The following CDH12 variants were observed in gnomAD, a reference collection of about 807,000 sequenced individuals.
CDH12 encodes cadherin 12.
A neutral mutation model predicts 74.1 loss-of-function variants in CDH12; 41 were observed. The ratio of observed to expected loss-of-function variants is 0.55; its 90% confidence interval spans 0.43 to 0.72. The LOEUF (loss-of-function observed/expected upper bound fraction) is 0.72. Among genes scored for constraint, CDH12 ranks in the 30% least tolerant of loss-of-function variants. The probability of loss-of-function intolerance (pLI) is 0.00; values close to 1 mark genes in which losing one functional copy is unlikely to be tolerated. For missense variants in CDH12, 945 were observed against 977.2 expected, an observed-to-expected ratio of 0.97 and a Z score of 0.44; for synonymous variants, 399 against 355.0, an observed-to-expected ratio of 1.12 and a Z score of -1.39.
At chr5:22,614,130 T>C (rs1737563136) in intron 1 of CDH12, among the ~76,000 whole-genome samples, 2 of 152,096 alleles carry the variant, frequency 1.3e-5, no homozygotes, top group South Asian at 4.1e-4. Flanking sequence ...TAGACGCTCT[T>C]AGTAGACATG....
At chr5:21,840,928 A>G (rs1483927864) in intron 8 of CDH12, among the ~76,000 whole-genome samples, 5 of 151,958 alleles carry the variant, frequency 3.3e-5, no homozygotes, top group African/African-American at 1.2e-4. Context: ...AGGCATTACC[A>G]TTCAGGACAT....
At chr5:22,799,047 A>G (rs918111366) in intron 1 of CDH12, among the ~76,000 whole-genome samples, 12 of 152,054 alleles carry the variant, frequency 7.9e-5, no homozygotes, top group African/African-American at 2.9e-4. Context: ...AGCCTGGGAG[A>G]AAGAGGTTGA....
chr5:21,771,030 G>T (rs2149883279), intron 11 of CDH12, among the ~76,000 whole-genome samples: 1 of 152,228 alleles, frequency 6.6e-6, no homozygotes, highest in Admixed American at 6.5e-5. Flanking sequence ...TGAACACAAA[G>T]AAGGGATAAT....
intron 2 of CDH12, among the ~76,000 whole-genome samples, chr5:22,461,256 G>T (rs1745505710): frequency 6.6e-6 from 1 of 151,716 alleles, no homozygotes; most frequent in Admixed American, 6.6e-5. Flanking sequence ...TCGAACTCCT[G>T]ACCTCAAGTC....
intron 2 of CDH12, among the ~76,000 whole-genome samples, chr5:22,487,259 C>T (rs1046348193): frequency 6.6e-6 from 1 of 152,116 alleles, no homozygotes; most frequent in African/African-American, 2.4e-5. Flanking sequence ...TCCTTGACCT[C>T]CCAAAGTCCT....
rs1057484461 is a variant in CDH12, at chr5:22,364,359, T to C, written c.-333+40898A>G. On this transcript the variant is annotated intron_variant, in intron 3 of 14. Coordinates refer to ENST00000382254, the MANE Select transcript of CDH12 (RefSeq NM_004061.5). The stretch of plus-strand genomic sequence containing the variant: ...CAGATTCAAATGTTAACTAAAAAGA[T>C]GCCTAGGTGAATCATATATAATATA... Among the ~76,000 whole-genome samples, 3 of 152,128 alleles carry C rather than the reference T, an allele frequency of 2.0e-5. No individual in the cohort carries two copies. In the South Asian group the frequency reaches 6.2e-4, roughly 31 times the overall value.
At chr5:22,402,555 TTTCCTTG>T (rs1326840605) in intron 3 of CDH12, among the ~76,000 whole-genome samples, 3 of 152,200 alleles carry the variant, frequency 2.0e-5, no homozygotes, top group African/African-American at 7.2e-5. Flanking sequence ...AAGTATGGTT[TTTCCTTG>T]TTCCTTATAG....
At chr5:22,380,606 CTA>C (rs1263761334) in intron 3 of CDH12, among the ~76,000 whole-genome samples, 4 of 151,906 alleles carry the variant, frequency 2.6e-5, no homozygotes, top group Non-Finnish European at 5.9e-5. Flanking sequence ...ATGTTAAAAA[CTA>C]CACGCATTTT....
chr5:22,355,742 C>A (rs1009083325), intron 3 of CDH12, among the ~76,000 whole-genome samples: 1 of 151,888 alleles, frequency 6.6e-6, no homozygotes, highest in African/African-American at 2.4e-5. Flanking sequence ...ATGGGGCTCC[C>A]GGGGTGATGT....
At position 22,185,447 on chromosome 5, in the gene CDH12, A is replaced by T. The variant is rs1749890248; in HGVS notation, c.-187+27051T>A. Among the ~76,000 whole-genome samples the T allele has an allele frequency of 2.0e-5, 3 of 152,042 alleles. No homozygotes were observed. The South Asian group carries it at 6.2e-4, about 32-fold the overall frequency. ...TTCACATATCAAGGCATGTTACAAA[A>T]CTATTTATGCAGAAATGGCACACGT... On this transcript the variant is annotated intron_variant, in intron 4 of 14. Transcript: ENST00000382254.
chr5:22,205,479 A>T (rs4318744), intron 4 of CDH12, among the ~76,000 whole-genome samples: 50,600 of 152,028 alleles, frequency 0.33, 10,255 homozygotes, highest in Admixed American at 0.46. Context: ...ATATTATCAC[A>T]ATGATGGTAA....
intron 1 of CDH12, among the ~76,000 whole-genome samples, chr5:22,823,279 T>C (rs1194899002): frequency 6.6e-6 from 1 of 151,834 alleles, no homozygotes; most frequent in South Asian, 2.1e-4. Context: ...TTACACCTAA[T>C]GCTAAATGAC....
intron 6 of CDH12, among the ~76,000 whole-genome samples, chr5:21,882,149 A>C (rs549864867): frequency 1.3e-5 from 2 of 152,316 alleles, no homozygotes; most frequent in East Asian, 3.9e-4. Context: ...GGTTATTGTC[A>C]CTGGATTTCT....
intron 5 of CDH12, among the ~76,000 whole-genome samples, chr5:21,985,636 G>A (rs567295766): frequency 2.2e-3 from 333 of 152,170 alleles, no homozygotes; most frequent in Non-Finnish European, 3.6e-3. Context: ...AAAATTTTGC[G>A]TGAGTTTCTT....
chr5:22,496,982 C>G (rs1276390059), intron 2 of CDH12, among the ~76,000 whole-genome samples: 1 of 152,174 alleles, frequency 6.6e-6, no homozygotes, highest in Non-Finnish European at 1.5e-5. Context: ...AATTCTGCCA[C>G]TTACCAGCTG....
rs949616369 is a variant in CDH12, at chr5:21,866,600, C to T, written c.527-11810G>A. ...GGTACTTGGTGGAAGAAATTTCTAA[C>T]CAGTAAAGTATTCAAGAGGTGACTT... is the stretch of plus-strand genomic sequence containing the variant. On this transcript the variant is annotated intron_variant, in intron 6 of 14. Transcript: ENST00000382254. Among the ~76,000 whole-genome samples the T allele has an allele frequency of 2.6e-5, 4 of 151,994 alleles. No individual in the cohort carries two copies. The South Asian group carries it at 8.3e-4, about 32-fold the overall frequency.
chr5:22,782,383 A>G (rs1747426732), intron 1 of CDH12, among the ~76,000 whole-genome samples: 1 of 152,036 alleles, frequency 6.6e-6, no homozygotes, highest in Admixed American at 6.6e-5. Flanking sequence ...ATGATAGTGA[A>G]AGAGTTCTCA....
At chr5:22,518,617 A>G (rs1191939803) in intron 1 of CDH12, among the ~76,000 whole-genome samples, 1 of 152,188 alleles carries the variant, frequency 6.6e-6, no homozygotes, top group East Asian at 1.9e-4. Context: ...ACATCTTTCA[A>G]CCATGCCTTT....
intron 1 of CDH12, among the ~76,000 whole-genome samples, chr5:22,657,610 T>G (rs1325262343): frequency 6.6e-6 from 1 of 152,168 alleles, no homozygotes. Flanking sequence ...GTCCACATTT[T>G]TAGAACTAAT....
Sources: gnomAD v4.1 joint callset for allele counts (sites outside exome capture counted in the v4.1 genomes callset) on GRCh38, gnomAD v4.1.1 for gene constraint, MANE v1.5 for transcripts, NCBI Gene and HGNC (gene_info 2026-07-23, HGNC 2026-07-21) for gene names.